The following NRP1 variants were observed in gnomAD, a reference collection of about 807,000 sequenced individuals.
NRP1 encodes the protein neuropilin-1.
A neutral mutation model predicts 106.7 loss-of-function variants in NRP1; 35 were observed. The ratio of observed to expected loss-of-function variants is 0.33; its 90% confidence interval spans 0.25 to 0.43. NRP1 has a LOEUF of 0.43. Among genes scored for constraint, NRP1 ranks in the 20% least tolerant of loss-of-function variants. The probability of loss-of-function intolerance (pLI) is 1.00; values close to 1 mark genes in which losing one functional copy is unlikely to be tolerated. For synonymous variants in NRP1, 437 were observed against 417.9 expected (o/e 1.05, Z -0.56); for missense variants, 1,024 against 1,170.4 (o/e 0.87, Z 1.83).
At chr10:33,221,588 G>C in intron 8 of NRP1, 131 bp downstream of exon 8, 7 of 1,076,370 alleles carry the variant, frequency 6.5e-6, no homozygotes, top group Non-Finnish European at 9.4e-6. Context: ...ATCCAAAGTA[G>C]ATGCTTTTAA....
intron 6 of NRP1, among the ~76,000 whole-genome samples, chr10:33,229,292 C>T (rs1839920080): frequency 6.6e-6 from 1 of 152,194 alleles, no homozygotes; most frequent in Admixed American, 6.5e-5. Context: ...TCTGATTTCA[C>T]AATGCCGCAA....
At chr10:33,206,038 G>A (rs757946476) in intron 10 of NRP1, 3 of 349,438 alleles carry the variant, frequency 8.6e-6, no homozygotes, top group Non-Finnish European at 1.7e-5. Flanking sequence ...TTAGAAGCAA[G>A]ATGGAGTCAG....
At chr10:33,266,426 G>GAC (rs1842921093) in intron 3 of NRP1, among the ~76,000 whole-genome samples, 1 of 152,190 alleles carries the variant, frequency 6.6e-6, no homozygotes, top group Non-Finnish European at 1.5e-5. Flanking sequence ...TTCTGCGCAT[G>GAC]ACAAATGTGA....
At chr10:33,199,389 A>ATATATATATATATATAT (rs1564372890) in intron 11 of NRP1, among the ~76,000 whole-genome samples, 1 of 36,846 alleles carries the variant, frequency 2.7e-5, no homozygotes. Flanking sequence ...ATATATATAT[A>ATATATATATATATATAT]TTTTTTTTTT....
intron 7 of NRP1, among the ~76,000 whole-genome samples, chr10:33,223,170 G>T (rs1016303764): frequency 1.3e-5 from 2 of 152,216 alleles, no homozygotes; most frequent in Non-Finnish European, 2.9e-5. Context: ...GAGGCATGCA[G>T]CTTCCTCCCC....
At chr10:33,311,789 C>A (rs1846623757) in intron 2 of NRP1, among the ~76,000 whole-genome samples, 1 of 152,102 alleles carries the variant, frequency 6.6e-6, no homozygotes, top group Non-Finnish European at 1.5e-5. Context: ...TTAACCATGA[C>A]CTCATGTTCA....
intron 1 of NRP1, among the ~76,000 whole-genome samples, chr10:33,333,354 C>T (rs1848418559): frequency 6.6e-6 from 1 of 152,112 alleles, no homozygotes. Context: ...GATTAACTTC[C>T]ATCATAAAGA....
chr10:33,202,476 A>T, intron 11 of NRP1: 1 of 751,722 alleles, frequency 1.3e-6, no homozygotes, highest in Non-Finnish European at 2.0e-6. Context: ...TTTGTTGGAT[A>T]AAGGATCCAC....
At chr10:33,334,193 C>A (rs1452642779) in intron 1 of NRP1, 117 bp downstream of exon 1, 3 of 883,078 alleles carry the variant, frequency 3.4e-6, no homozygotes, top group African/African-American at 3.4e-5. Flanking sequence ...AAGTTTCCTT[C>A]GCCCGGGAGT....
At chr10:33,224,958 C>T (rs957669475) in intron 7 of NRP1, among the ~76,000 whole-genome samples, 3 of 152,066 alleles carry the variant, frequency 2.0e-5, no homozygotes, top group Non-Finnish European at 4.4e-5. Flanking sequence ...TTTCCTTGAA[C>T]CTAAAGTATG....
At chr10:33,322,002 G>A (rs1275841119) in intron 2 of NRP1, among the ~76,000 whole-genome samples, 1 of 152,210 alleles carries the variant, frequency 6.6e-6, no homozygotes, top group African/African-American at 2.4e-5. Flanking sequence ...CAGTGCCTGA[G>A]CAGTCTCCCT....
intron 6 of NRP1, among the ~76,000 whole-genome samples, chr10:33,249,915 C>T (rs1224233592): frequency 6.6e-6 from 1 of 151,666 alleles, no homozygotes; most frequent in African/African-American, 2.4e-5. Flanking sequence ...TTTTTAATGC[C>T]ACTCAGTAAT....
At chr10:33,328,627 T>C (rs1458393901) in intron 2 of NRP1, among the ~76,000 whole-genome samples, 1 of 152,150 alleles carries the variant, frequency 6.6e-6, no homozygotes, top group Non-Finnish European at 1.5e-5. Context: ...AGTTGTGTGC[T>C]GGATCTGGCG....
chr10:33,286,394 C>T (rs576428358), intron 2 of NRP1, among the ~76,000 whole-genome samples: 1 of 152,278 alleles, frequency 6.6e-6, no homozygotes, highest in South Asian at 2.1e-4. Context: ...CCTTGCTTTT[C>T]CCTCCATTCC....
chr10:33,201,790 T>C (rs1837330270), intron 11 of NRP1: 1 of 152,186 alleles, frequency 6.6e-6, no homozygotes, highest in Non-Finnish European at 1.5e-5. Flanking sequence ...CAGTACTAAA[T>C]TTCTGGGACA....
At chr10:33,241,179 T>G (rs1226492376) in intron 6 of NRP1, among the ~76,000 whole-genome samples, 2 of 151,914 alleles carry the variant, frequency 1.3e-5, no homozygotes, top group Non-Finnish European at 2.9e-5. Flanking sequence ...AGGTAGAAAA[T>G]GAAAATGAGG....
chr10:33,189,810 A>G (rs1836285191), intron 13 of NRP1, among the ~76,000 whole-genome samples: 1 of 152,196 alleles, frequency 6.6e-6, no homozygotes, highest in African/African-American at 2.4e-5. Flanking sequence ...AAAAAGCACC[A>G]TCTACTCTCT....
chr10:33,213,277 A>C, intron 9 of NRP1, 109 bp downstream of exon 9: 1 of 1,613,318 alleles, frequency 6.2e-7, no homozygotes, highest in Non-Finnish European at 8.5e-7. Context: ...ACCTCCTCTA[A>C]TGTCATGGCT....
At chr10:33,242,245 G>A (rs1841082069) in intron 6 of NRP1, among the ~76,000 whole-genome samples, 2 of 152,284 alleles carry the variant, frequency 1.3e-5, no homozygotes, top group South Asian at 2.1e-4. Context: ...GAAATATCAT[G>A]TTAAATGAAC....
Sources: allele counts gnomAD v4.1 joint callset (sites outside exome capture counted in the v4.1 genomes callset), GRCh38; gene constraint gnomAD v4.1.1; transcripts MANE v1.5; gene names NCBI Gene and HGNC (gene_info 2026-07-23, HGNC 2026-07-21).